CSMD3: variants seen among roughly 807,000 people sequenced by gnomAD.
CSMD3 encodes the protein CUB and Sushi multiple domains 3.
A neutral mutation model predicts 435.2 loss-of-function variants in CSMD3; 177 were observed. The observed-to-expected ratio is 0.41, with a 90% CI of 0.36 to 0.46. The LOEUF is 0.46. CSMD3 is among the 20% of genes least tolerant of loss of function. CSMD3 has a pLI of 0.34. For missense variants in CSMD3, 4,265 were observed against 4,504.6 expected, an observed-to-expected ratio of 0.95 and a Z score of 1.52; for synonymous variants, 1,656 against 1,520.5, an observed-to-expected ratio of 1.09 and a Z score of -2.07.
At chr8:112,469,098 G>C (rs1818258806) in intron 32 of CSMD3, among the ~76,000 whole-genome samples, 1 of 144,892 alleles carries the variant, frequency 6.9e-6, no homozygotes, top group African/African-American at 2.6e-5. Context: ...AAAAGTAATT[G>C]TGGTTTTTGC....
intron 32 of CSMD3, among the ~76,000 whole-genome samples, chr8:112,449,023 A>G (rs1815963132): frequency 6.6e-6 from 1 of 152,086 alleles, no homozygotes; most frequent in African/African-American, 2.4e-5. Context: ...TATTTCTTCA[A>G]TTAAAGGGTA....
At chr8:112,319,089 G>T (rs1047133880) in intron 46 of CSMD3, 139 bp from the exon 47 acceptor site, 2 of 671,598 alleles carry the variant, frequency 3.0e-6, no homozygotes, top group South Asian at 1.7e-5. Context: ...ATAAGTAGGA[G>T]TTATATTCAA....
chr8:112,223,910 T>C lies in CSMD3; in HGVS notation c.*861A>G, dbSNP rs1226762836. ...TCAGATAACTGCAAAATAATAATTTTTCTAGATAATTTCTGCCAGCCAAAT... is the reference window on the plus strand; with the variant it reads ...TCAGATAACTGCAAAATAATAATTTCTCTAGATAATTTCTGCCAGCCAAAT... On this transcript the variant is annotated 3_prime_UTR_variant, in exon 71 of 71. Transcript: ENST00000297405. 1 of 152,156 alleles carries C rather than the reference T, an allele frequency of 6.6e-6. No individual in the cohort carries two copies. The highest frequency in any genetic ancestry group is 1.5e-5 in the Non-Finnish European group (1 of 68,018). 9.4% of individuals were successfully genotyped at this position (152,156 alleles called of 1,614,324 possible).
chr8:112,731,263 G>A (rs7002262), intron 13 of CSMD3, among the ~76,000 whole-genome samples: 50,543 of 151,906 alleles, frequency 0.33, 9,267 homozygotes, highest in African/African-American at 0.5. Context: ...CTGAATTTCT[G>A]TCATGACTAC....
intron 6 of CSMD3, among the ~76,000 whole-genome samples, chr8:112,994,431 T>C (rs765388276): frequency 1.3e-5 from 2 of 151,510 alleles, no homozygotes; most frequent in Non-Finnish European, 3.0e-5. Flanking sequence ...ATAAACACAA[T>C]AAGAAAGAAG....
rs201144167 is a variant in CSMD3 at position 112,550,783 on chromosome 8, T to C, written c.4452A>G (p.Glu1484=). 151 of 1,606,662 alleles carry C rather than the reference T, an allele frequency of 9.4e-5. No individual in the cohort carries two copies. Among genetic ancestry groups the C allele is most frequent in the Middle Eastern group, 3.3e-4 (2 of 6,062 alleles). ...CTTCAGGAATAAGAGATCCACTAAT[T>C]TCCTTTAAAAGCATATCATTTTCTG... ...GPPENDMLLK[E]ISGSLIPEGI... is the part of the protein sequence containing the mutation. The change falls in exon 27 of 71, where the codon GAA becomes GAG. Residue 1484 remains glutamate (E), a synonymous_variant. Coordinates refer to ENST00000297405, the MANE Select transcript of CSMD3 (RefSeq NM_198123.2).
rs1817173025 is a variant in CSMD3 at position 112,459,145 on chromosome 8, A to G, written c.5395+13446T>C. 1.3e-5 allele frequency among the ~76,000 whole-genome samples: 2 copies of G among 152,148 alleles called. 1 individual carries two copies. Among genetic ancestry groups the G allele is most frequent in the Middle Eastern group, 6.8e-3 (2 of 294 alleles). Reference sequence around the variant, plus strand: ...AACGGGTTTTGTTAATCCCCTGCAAAATAGCTTAATTAGTTACTATGGTAC... The same window carrying G: ...AACGGGTTTTGTTAATCCCCTGCAAGATAGCTTAATTAGTTACTATGGTAC... On this transcript the variant is annotated intron_variant, in intron 32 of 70. Transcript: ENST00000297405.
At chr8:112,231,501 G>A (rs913020436) in intron 69 of CSMD3, 44 bp downstream of exon 69, 1 of 1,149,040 alleles carries the variant, frequency 8.7e-7, no homozygotes, top group Non-Finnish European at 1.3e-6. Context: ...TATGATGTCT[G>A]GGATAATAAC....
Position 112,719,227 on chromosome 8 carries a change from G to A in CSMD3, c.1973-29177C>T, listed in dbSNP as rs149129484. Among the ~76,000 whole-genome samples the A allele has an allele frequency of 3.0e-3, 451 of 152,216 alleles. 4 individuals carry two copies. The East Asian group carries it at 0.034, about 11-fold the overall frequency. On this transcript the variant is annotated intron_variant, in intron 13 of 70. Transcript: ENST00000297405. ...TAAGTAAAAGTTATGACTATTTTCGGTCAGATTAGAAGACTAAGTAAAAGT... is the reference window on the plus strand; with the variant it reads ...TAAGTAAAAGTTATGACTATTTTCGATCAGATTAGAAGACTAAGTAAAAGT...
intron 2 of CSMD3, chr8:113,312,550 G>A (rs910048643): frequency 6.6e-6 from 1 of 152,124 alleles, no homozygotes; most frequent in Non-Finnish European, 1.5e-5. Flanking sequence ...AAGCAGGAAA[G>A]AGGAAAAATA....
intron 32 of CSMD3, among the ~76,000 whole-genome samples, chr8:112,423,817 T>C (rs1325935910): frequency 6.6e-6 from 1 of 152,194 alleles, no homozygotes; most frequent in Non-Finnish European, 1.5e-5. Context: ...ATGAGCCTAT[T>C]AATGTTTGAG....
chr8:112,448,583 C>G (rs1275304489), intron 32 of CSMD3, among the ~76,000 whole-genome samples: 1 of 152,118 alleles, frequency 6.6e-6, no homozygotes, highest in African/African-American at 2.4e-5. Flanking sequence ...AGATTCTTCT[C>G]TACAGCCTTC....
Position 112,658,731 on chromosome 8 carries a change from G to A in CSMD3, c.2817-2390C>T, listed in dbSNP as rs560106200. 3.3e-5 allele frequency among the ~76,000 whole-genome samples: 5 copies of A among 152,250 alleles called. No individual in the cohort carries two copies. In the East Asian group the frequency reaches 7.7e-4, roughly 24 times the overall value. On this transcript the variant is annotated intron_variant, in intron 17 of 70. Coordinates refer to ENST00000297405, the MANE Select transcript of CSMD3 (RefSeq NM_198123.2). ...CCAGCACTTTGGGAGGCTGAGGTGG[G>A]TGAGTCACCTGAAGTCAGAAGTTTG...
At chr8:113,369,190 C>T (rs2094332386) in intron 1 of CSMD3, among the ~76,000 whole-genome samples, 1 of 151,658 alleles carries the variant, frequency 6.6e-6, no homozygotes, top group African/African-American at 2.4e-5. Context: ...TAATTTCACC[C>T]ACATTTTAGT....
intron 1 of CSMD3, among the ~76,000 whole-genome samples, chr8:113,330,758 C>T (rs1045214055): frequency 6.6e-6 from 1 of 151,550 alleles, no homozygotes; most frequent in African/African-American, 2.4e-5. Context: ...ATATTTGTAC[C>T]TAACAGATTC....
At chr8:112,465,491 G>C (rs1311992868) in intron 32 of CSMD3, among the ~76,000 whole-genome samples, 1 of 151,980 alleles carries the variant, frequency 6.6e-6, no homozygotes, top group Non-Finnish European at 1.5e-5. Context: ...CAACCAAATG[G>C]CCAAGCCATG....
At chr8:112,465,014 A>C (rs1488179177) in intron 32 of CSMD3, among the ~76,000 whole-genome samples, 1 of 152,224 alleles carries the variant, frequency 6.6e-6, no homozygotes, top group African/African-American at 2.4e-5. Context: ...AGGCTTGACA[A>C]ATTAGGACTC....
At chr8:112,973,189 G>A (rs1003368970) in intron 7 of CSMD3, among the ~76,000 whole-genome samples, 1 of 151,896 alleles carries the variant, frequency 6.6e-6, no homozygotes, top group African/African-American at 2.4e-5. Context: ...AGCTTTAAAA[G>A]AGTAGTGTTA....
intron 4 of CSMD3, among the ~76,000 whole-genome samples, chr8:113,108,070 T>C (rs930229730): frequency 6.6e-6 from 1 of 152,152 alleles, no homozygotes; most frequent in Non-Finnish European, 1.5e-5. Flanking sequence ...AGGAATAGTA[T>C]GTTAAATGGA....
Sources: gnomAD v4.1 joint callset for allele counts (sites outside exome capture counted in the v4.1 genomes callset) on GRCh38, gnomAD v4.1.1 for gene constraint, MANE v1.5 for transcripts, NCBI Gene and HGNC (gene_info 2026-07-23, HGNC 2026-07-21) for gene names.